LSAMP: variants seen among roughly 807,000 people sequenced by gnomAD.
LSAMP encodes the protein limbic system associated membrane protein, also known as limbic system-associated membrane protein.
LSAMP carries 7 observed loss-of-function variants against 38.6 expected under a neutral mutation model. The observed-to-expected ratio is 0.18, with a 90% CI of 0.10 to 0.34. The LOEUF (loss-of-function observed/expected upper bound fraction) is 0.34, where lower values mean the gene tolerates loss of function less well. LSAMP is among the 10% of genes least tolerant of loss of function. LSAMP has a pLI of 1.00. For synonymous variants in LSAMP, 154 were observed against 166.8 expected (o/e 0.92, Z 0.59); for missense variants, 313 against 420.0 (o/e 0.75, Z 2.23).
At chr3:116,421,447 G>C (rs1472999510) in intron 1 of LSAMP, among the ~76,000 whole-genome samples, 2 of 151,732 alleles carry the variant, frequency 1.3e-5, no homozygotes, top group African/African-American at 4.8e-5. Context: ...GTGGGCGCCT[G>C]TAATCCCAGC....
At chr3:116,204,389 G>C (rs1477912281) in intron 1 of LSAMP, among the ~76,000 whole-genome samples, 2 of 152,160 alleles carry the variant, frequency 1.3e-5, no homozygotes, top group African/African-American at 4.8e-5. Context: ...TTGCTGTGCA[G>C]AAGCTCTTTA....
chr3:116,288,731 T>C (rs1458809310), intron 1 of LSAMP, among the ~76,000 whole-genome samples: 2 of 152,198 alleles, frequency 1.3e-5, no homozygotes, highest in African/African-American at 2.4e-5. Flanking sequence ...CTATTCATTT[T>C]CCTGGCATAG....
At chr3:116,318,962 C>A (rs2047670455) in intron 1 of LSAMP, among the ~76,000 whole-genome samples, 1 of 151,228 alleles carries the variant, frequency 6.6e-6, no homozygotes, top group Non-Finnish European at 1.5e-5. Context: ...GAAAGGCCCA[C>A]TTCAAGAGCC....
chr3:115,841,037 C>T (rs532622376), intron 6 of LSAMP, among the ~76,000 whole-genome samples: 4 of 152,314 alleles, frequency 2.6e-5, no homozygotes, highest in East Asian at 3.9e-4. Flanking sequence ...CAGAGGGCAT[C>T]GGCATCTGCT....
chr3:115,883,422 C>T (rs1936372418), intron 3 of LSAMP, among the ~76,000 whole-genome samples: 1 of 152,190 alleles, frequency 6.6e-6, no homozygotes, highest in Admixed American at 6.6e-5. Context: ...TGCCAACCTG[C>T]ACTTGGCCAG....
intron 1 of LSAMP, among the ~76,000 whole-genome samples, chr3:116,277,343 T>C (rs1367524087): frequency 6.6e-6 from 1 of 151,972 alleles, no homozygotes; most frequent in Non-Finnish European, 1.5e-5. Context: ...TCAACATTCT[T>C]TGAATATAAG....
intron 1 of LSAMP, among the ~76,000 whole-genome samples, chr3:116,320,750 C>T (rs1436521339): frequency 2.6e-5 from 4 of 152,290 alleles, no homozygotes; most frequent in Middle Eastern, 3.4e-3. Context: ...ATAGCCCAAA[C>T]CCCACCTTCA....
intron 2 of LSAMP, among the ~76,000 whole-genome samples, chr3:116,033,514 TCC>T (rs1940976180): frequency 6.6e-6 from 1 of 152,046 alleles, no homozygotes; most frequent in Non-Finnish European, 1.5e-5. Context: ...TATAGAAATC[TCC>T]CCCTCGTGGC....
intron 1 of LSAMP, among the ~76,000 whole-genome samples, chr3:116,387,627 A>G (rs2048642257): frequency 1.3e-5 from 2 of 152,164 alleles, no homozygotes; most frequent in Admixed American, 1.3e-4. Flanking sequence ...TCCCCCATGG[A>G]AAAGATGGTA....
chr3:115,974,497 C>A (rs1407566679), intron 3 of LSAMP, among the ~76,000 whole-genome samples: 1 of 152,150 alleles, frequency 6.6e-6, no homozygotes, highest in Non-Finnish European at 1.5e-5. Flanking sequence ...TGGTGGATCA[C>A]AGACATATCT....
rs565029377 is a variant in LSAMP at position 116,043,435 on chromosome 3, G to C, written c.389-23795C>G. 2.0e-5 allele frequency among the ~76,000 whole-genome samples: 3 copies of C among 152,252 alleles called. No homozygotes were observed. In the East Asian group the frequency reaches 5.8e-4, roughly 29 times the overall value. On this transcript the variant is annotated intron_variant, in intron 2 of 6. Coordinates refer to ENST00000490035, the MANE Select transcript of LSAMP (RefSeq NM_002338.5). ...TGATTCTCTACTTTGCTTGAGGAAG[G>C]AATGATGGCAGTATCTACCTAACTC...
At chr3:116,240,733 T>G (rs2046521534) in intron 1 of LSAMP, among the ~76,000 whole-genome samples, 1 of 152,222 alleles carries the variant, frequency 6.6e-6, no homozygotes, top group Admixed American at 6.5e-5. Context: ...AAAAATATGT[T>G]TTTATGCACA....
intron 3 of LSAMP, among the ~76,000 whole-genome samples, chr3:115,875,773 A>G (rs1010950184): frequency 3.9e-5 from 6 of 152,100 alleles, no homozygotes; most frequent in African/African-American, 1.4e-4. Flanking sequence ...AAAAAAAATC[A>G]TAGTTCCCAT....
Position 116,212,289 on chromosome 3 carries a change from T to C in LSAMP, c.156-125733A>G, listed in dbSNP as rs112483463. ...GATTCAGGAGTAATAAATTACTCCC[T>C]AAACAAATTTTAAAGATGCTAAAGG... On this transcript the variant is annotated intron_variant, in intron 1 of 6. Transcript: ENST00000490035. Among the ~76,000 whole-genome samples the C allele has an allele frequency of 4.2e-3, 635 of 152,378 alleles. 7 individuals carry two copies. Among genetic ancestry groups the C allele is most frequent in the African/African-American group, 0.014 (597 of 41,588 alleles).
At chr3:115,904,339 A>G (rs1311558096) in intron 3 of LSAMP, among the ~76,000 whole-genome samples, 1 of 152,174 alleles carries the variant, frequency 6.6e-6, no homozygotes, top group Non-Finnish European at 1.5e-5. Flanking sequence ...GGGATCCATG[A>G]AGAAATAGGA....
At chr3:116,291,523 C>T (rs570535445) in intron 1 of LSAMP, among the ~76,000 whole-genome samples, 1 of 152,242 alleles carries the variant, frequency 6.6e-6, no homozygotes, top group East Asian at 1.9e-4. Context: ...TCTATGAGAC[C>T]AGGATAGATG....
At chr3:115,994,431 C>A (rs906904977) in intron 3 of LSAMP, among the ~76,000 whole-genome samples, 20 of 151,998 alleles carry the variant, frequency 1.3e-4, no homozygotes, top group Non-Finnish European at 7.4e-5. Context: ...AGAAGTGGGT[C>A]ATATCAGTTA....
chr3:116,193,054 G>A (rs908266540), intron 1 of LSAMP, among the ~76,000 whole-genome samples: 2 of 152,138 alleles, frequency 1.3e-5, no homozygotes, highest in African/African-American at 2.4e-5. Flanking sequence ...GGATGAGGGC[G>A]ATGTTATTAT....
chr3:116,243,247 G>C (rs1019045081), intron 1 of LSAMP, among the ~76,000 whole-genome samples: 1 of 152,170 alleles, frequency 6.6e-6, no homozygotes, highest in Non-Finnish European at 1.5e-5. Flanking sequence ...TATTCTAACT[G>C]TTCCCTTCCT....
Sources: allele counts gnomAD v4.1 joint callset (sites outside exome capture counted in the v4.1 genomes callset), GRCh38; gene constraint gnomAD v4.1.1; transcripts MANE v1.5; gene names NCBI Gene and HGNC (gene_info 2026-07-23, HGNC 2026-07-21).